Variants in CNTNAP2 observed in about 807,000 individuals in gnomAD.
The protein encoded by CNTNAP2 is contactin associated protein 2.
In CNTNAP2, 98 loss-of-function variants were observed where a neutral mutation model predicts 155.2. That is an observed-to-expected ratio of 0.63 (90% CI 0.54 to 0.75). CNTNAP2 has a LOEUF of 0.75. Ranked by LOEUF, CNTNAP2 falls within the 30% of genes least tolerant of loss-of-function variation. The pLI is 0.00. For synonymous variants in CNTNAP2, 651 were observed against 631.2 expected, an observed-to-expected ratio of 1.03 and a Z score of -0.47; for missense variants, 1,727 against 1,688.1, an observed-to-expected ratio of 1.02 and a Z score of -0.40.
chr7:146,830,844 CAG>C (rs1380109748), intron 2 of CNTNAP2, among the ~76,000 whole-genome samples: 2 of 152,228 alleles, frequency 1.3e-5, no homozygotes, highest in Admixed American at 1.3e-4. Flanking sequence ...TTAAAAATGA[CAG>C]TATACAGGAT....
At chr7:147,969,872 A>T (rs13225815) in intron 14 of CNTNAP2, among the ~76,000 whole-genome samples, 51 of 151,876 alleles carry the variant, frequency 3.4e-4, no homozygotes, top group African/African-American at 1.2e-3. Context: ...TATTTTTTTA[A>T]GTTGTTTTAA....
chr7:146,266,996 G>A (rs1800004421), intron 1 of CNTNAP2, among the ~76,000 whole-genome samples: 1 of 151,490 alleles, frequency 6.6e-6, no homozygotes, highest in Non-Finnish European at 1.5e-5. Flanking sequence ...CACGACAACA[G>A]CAGATAGGTA....
At chr7:148,110,742 C>T (rs906332065) in intron 15 of CNTNAP2, among the ~76,000 whole-genome samples, 1 of 152,068 alleles carries the variant, frequency 6.6e-6, no homozygotes, top group African/African-American at 2.4e-5. Context: ...TCAGTCACAC[C>T]CCAGCTCCCC....
chr7:148,182,866 AC>A (rs1469650670), intron 18 of CNTNAP2, among the ~76,000 whole-genome samples: 1 of 152,086 alleles, frequency 6.6e-6, no homozygotes, highest in Non-Finnish European at 1.5e-5. Flanking sequence ...CTTTCTAGCT[AC>A]TCTTCCAAGG....
chr7:147,740,472 C>T (rs1408031403), intron 13 of CNTNAP2, among the ~76,000 whole-genome samples: 1 of 152,116 alleles, frequency 6.6e-6, no homozygotes, highest in African/African-American at 2.4e-5. Flanking sequence ...GAAATTACCT[C>T]ATTAAATAAT....
At chr7:146,519,426 A>G (rs1362355393) in intron 1 of CNTNAP2, among the ~76,000 whole-genome samples, 1 of 151,860 alleles carries the variant, frequency 6.6e-6, no homozygotes, top group Non-Finnish European at 1.5e-5. Flanking sequence ...CAAAGTTTGA[A>G]TTTTAAAATA....
chr7:148,333,739 T>A (rs1316306502), intron 21 of CNTNAP2, among the ~76,000 whole-genome samples: 1 of 152,152 alleles, frequency 6.6e-6, no homozygotes, highest in Non-Finnish European at 1.5e-5. Flanking sequence ...TTCACTGCAG[T>A]CAGAAGAGAT....
chr7:147,511,723 G>T (rs1036734091), intron 11 of CNTNAP2, among the ~76,000 whole-genome samples: 1 of 152,036 alleles, frequency 6.6e-6, no homozygotes, highest in Non-Finnish European at 1.5e-5. Context: ...TCGCTGTGTA[G>T]ATAGAAAGCT....
At position 147,084,099 on chromosome 7, in the gene CNTNAP2, AATAC is replaced by A. The variant is rs1192421683; in HGVS notation, c.551-24044_551-24041del. ...TGCATAATGCTATATATGTATATAT[AATAC>A]ATATATGCATAATGCTATATATGTA... On this transcript the variant is annotated intron_variant, in intron 4 of 23. Transcript: ENST00000361727. Among the ~76,000 whole-genome samples, 27 of 42,080 alleles carry A rather than the reference AATAC, an allele frequency of 6.4e-4. No homozygotes were observed. The East Asian group carries it at 0.019, about 29-fold the overall frequency. 27.6% of individuals were successfully genotyped at this position (42,080 alleles called of 152,430 possible).
intron 1 of CNTNAP2, among the ~76,000 whole-genome samples, chr7:146,152,198 A>G (rs1368638912): frequency 6.6e-6 from 1 of 152,058 alleles, no homozygotes; most frequent in Non-Finnish European, 1.5e-5. Flanking sequence ...AAATAATGAA[A>G]TCCTGTCATT....
At chr7:146,535,218 T>C (rs1458785509) in intron 1 of CNTNAP2, among the ~76,000 whole-genome samples, 1 of 18,950 alleles carries the variant, frequency 5.3e-5, no homozygotes, top group East Asian at 1.3e-3. Context: ...TATATGATAT[T>C]ATATCATATA....
At chr7:147,234,163 C>A (rs890002963) in intron 8 of CNTNAP2, among the ~76,000 whole-genome samples, 1 of 151,824 alleles carries the variant, frequency 6.6e-6, no homozygotes, top group Non-Finnish European at 1.5e-5. Flanking sequence ...AGTAAGTGGG[C>A]AAGTTTCCAT....
chr7:146,185,630 G>A (rs1798611932), intron 1 of CNTNAP2, among the ~76,000 whole-genome samples: 1 of 152,072 alleles, frequency 6.6e-6, no homozygotes, highest in Non-Finnish European at 1.5e-5. Context: ...CGTAGTAAGT[G>A]CTTTGATACA....
At chr7:146,634,360 A>C (rs73470663) in intron 1 of CNTNAP2, among the ~76,000 whole-genome samples, 5,279 of 152,286 alleles carry the variant, frequency 0.035, 315 homozygotes, top group African/African-American at 0.12. Flanking sequence ...ACATTAATGA[A>C]AACTGATCTC....
chr7:146,764,156 A>T (rs1229576960), intron 1 of CNTNAP2, among the ~76,000 whole-genome samples: 4 of 152,190 alleles, frequency 2.6e-5, no homozygotes, highest in African/African-American at 7.2e-5. Flanking sequence ...CCTTAGGAAG[A>T]TTGTCAATCA....
intron 21 of CNTNAP2, among the ~76,000 whole-genome samples, chr7:148,317,707 CTT>C (rs1174138150): frequency 1.4e-5 from 2 of 145,524 alleles, no homozygotes; most frequent in African/African-American, 2.5e-5. Context: ...GAGCTCATTT[CTT>C]TTTTTTTTTT....
rs149166481 is a variant in CNTNAP2, at chr7:148,242,426, G to A, written c.3381+12647G>A. 2.0e-5 allele frequency among the ~76,000 whole-genome samples: 3 copies of A among 152,338 alleles called. No homozygotes were observed. In the East Asian group the frequency reaches 5.8e-4, roughly 29 times the overall value. ...TGAAGATTTTGATGGACATGGTCCTGGAGCGAGTTCGGAGCTAGTGTTAAA... is the reference window on the plus strand; with the variant it reads ...TGAAGATTTTGATGGACATGGTCCTAGAGCGAGTTCGGAGCTAGTGTTAAA... On this transcript the variant is annotated intron_variant, in intron 20 of 23. Coordinates refer to ENST00000361727, the MANE Select transcript of CNTNAP2 (RefSeq NM_014141.6).
At chr7:146,626,454 T>C (rs1170380817) in intron 1 of CNTNAP2, among the ~76,000 whole-genome samples, 1 of 152,100 alleles carries the variant, frequency 6.6e-6, no homozygotes, top group Non-Finnish European at 1.5e-5. Context: ...AAAATGGAAG[T>C]TGAAACACCA....
At chr7:146,573,397 T>C (rs1414760447) in intron 1 of CNTNAP2, among the ~76,000 whole-genome samples, 1 of 152,176 alleles carries the variant, frequency 6.6e-6, no homozygotes, top group Non-Finnish European at 1.5e-5. Context: ...TGCCTCGACC[T>C]TCCAAAGTGC....
Sources: allele counts gnomAD v4.1 joint callset (sites outside exome capture counted in the v4.1 genomes callset), GRCh38; gene constraint gnomAD v4.1.1; transcripts MANE v1.5; gene names NCBI Gene and HGNC (gene_info 2026-07-23, HGNC 2026-07-21).